Variants in LSAMP observed in about 807,000 individuals in gnomAD.
LSAMP encodes the protein limbic system-associated membrane protein.
In LSAMP, 7 loss-of-function variants were observed where a neutral mutation model predicts 38.6. The ratio of observed to expected loss-of-function variants is 0.18; its 90% CI spans 0.10 to 0.34. The LOEUF (loss-of-function observed/expected upper bound fraction) is 0.34, where lower values mean the gene tolerates loss of function less well. LSAMP is among the 10% of genes least tolerant of loss of function. The probability of loss-of-function intolerance (pLI) is 1.00; values close to 1 mark genes in which losing one functional copy is unlikely to be tolerated. For synonymous variants in LSAMP, 154 were observed against 166.8 expected (o/e 0.92, Z 0.59); for missense variants, 313 against 420.0 (o/e 0.75, Z 2.23).
At chr3:116,150,555 A>G (rs1036066637) in intron 1 of LSAMP, among the ~76,000 whole-genome samples, 2 of 152,044 alleles carry the variant, frequency 1.3e-5, no homozygotes, top group South Asian at 2.1e-4. Flanking sequence ...TCTATTATCA[A>G]TAATAAAAGG....
chr3:116,358,618 A>T (rs571364998), intron 1 of LSAMP, among the ~76,000 whole-genome samples: 1 of 152,164 alleles, frequency 6.6e-6, no homozygotes, highest in African/African-American at 2.4e-5. Flanking sequence ...AATAAAATCC[A>T]CCGATCGAAA....
At chr3:115,905,344 C>T (rs1395462867) in intron 3 of LSAMP, among the ~76,000 whole-genome samples, 1 of 151,962 alleles carries the variant, frequency 6.6e-6, no homozygotes, top group Admixed American at 6.6e-5. Flanking sequence ...ATATGAGATA[C>T]CGATGATATT....
rs546133967 is a variant in LSAMP, at chr3:116,113,680, C to T, written c.156-27124G>A. Among the ~76,000 whole-genome samples, 367 of 152,034 alleles carry T rather than the reference C, an allele frequency of 2.4e-3. 4 individuals are homozygous for T. Among genetic ancestry groups the T allele is most frequent in the African/African-American group, 8.5e-3 (351 of 41,478 alleles). ...GGCCTTGTGATCCGCCCGCCTCGGC[C>T]TCCCAAAGTGCTGGGATTACAGGCG... On this transcript the variant is annotated intron_variant, in intron 1 of 6. Coordinates refer to ENST00000490035, the MANE Select transcript of LSAMP (RefSeq NM_002338.5).
intron 1 of LSAMP, among the ~76,000 whole-genome samples, chr3:116,393,913 C>T (rs1459350467): frequency 3.9e-5 from 6 of 152,104 alleles, no homozygotes; most frequent in Non-Finnish European, 7.4e-5. Context: ...TTGCATGGAA[C>T]GACAAGGAAG....
chr3:115,810,221 ATCTC>A lies in LSAMP; in HGVS notation c.*92_*95del, dbSNP rs528530751. 2,122 of 633,906 alleles carry A rather than the reference ATCTC, an allele frequency of 3.3e-3. No individual in the cohort carries two copies. The highest frequency in any genetic ancestry group is 6.1e-3 in the South Asian group (264 of 43,126). 39.3% of individuals were successfully genotyped at this position (633,906 alleles called of 1,614,324 possible). The stretch of plus-strand genomic sequence containing the variant: ...AGTTGTGAAATAAACGGTCTCCCCC[ATCTC>A]TCTCTCTCTCTCTCTCTCTGTCTCT... On this transcript the variant is annotated 3_prime_UTR_variant, in exon 7 of 7. Coordinates refer to ENST00000490035, the MANE Select transcript of LSAMP (RefSeq NM_002338.5).
At chr3:116,334,081 G>C (rs1213606720) in intron 1 of LSAMP, among the ~76,000 whole-genome samples, 2 of 151,690 alleles carry the variant, frequency 1.3e-5, no homozygotes, top group Non-Finnish European at 2.9e-5. Context: ...TGATTCTACA[G>C]AAATAAAAAA....
intron 3 of LSAMP, among the ~76,000 whole-genome samples, chr3:115,881,507 A>G (rs1936322227): frequency 6.6e-6 from 1 of 152,122 alleles, no homozygotes; most frequent in South Asian, 2.1e-4. Context: ...CATCTCATCC[A>G]TACAGTTGCT....
At chr3:116,004,243 G>C (rs1272994104) in intron 3 of LSAMP, among the ~76,000 whole-genome samples, 1 of 152,006 alleles carries the variant, frequency 6.6e-6, no homozygotes, top group Admixed American at 6.6e-5. Flanking sequence ...GAAAACTCAT[G>C]GTCCCTGTGC....
rs144603366 is a variant in LSAMP at position 116,090,077 on chromosome 3, G to A, written c.156-3521C>T. Among the ~76,000 whole-genome samples the A allele has an allele frequency of 1.3e-4, 19 of 151,548 alleles. No homozygotes were observed. In the East Asian group the frequency reaches 3.3e-3, roughly 26 times the overall value. ...GAAAAAAAATGGTAGGACCAGGCAC[G>A]GTGGCGCATGCCTGTAATCCCAGCT... On this transcript the variant is annotated intron_variant, in intron 1 of 6. Coordinates refer to ENST00000490035, the MANE Select transcript of LSAMP (RefSeq NM_002338.5).
intron 3 of LSAMP, among the ~76,000 whole-genome samples, chr3:115,956,875 C>A (rs1406824704): frequency 1.3e-5 from 2 of 152,046 alleles, no homozygotes; most frequent in Admixed American, 6.5e-5. Flanking sequence ...TCTCTTCAGC[C>A]CTAATCTCCC....
At chr3:116,197,163 A>ACACACACACACACACACACACACACTCT (rs1268040540) in intron 1 of LSAMP, among the ~76,000 whole-genome samples, 3 of 139,084 alleles carry the variant, frequency 2.2e-5, no homozygotes, top group African/African-American at 7.8e-5. Context: ...ACACACACAC[A>ACACACACACACACACACACACACACTCT]CTCTCTCTCT....
rs375269666 is a variant in LSAMP, at chr3:116,213,633, T to C, written c.156-127077A>G. Among the ~76,000 whole-genome samples, 4 of 152,248 alleles carry C rather than the reference T, an allele frequency of 2.6e-5. 1 individual carries two copies. Among genetic ancestry groups the C allele is most frequent in the African/African-American group, 7.2e-5 (3 of 41,548 alleles). ...AGCCAACATGTGGAAACAAACTAAA[T>C]AGACAACATGTGGAAACAAACTAAA... On this transcript the variant is annotated intron_variant, in intron 1 of 6. Coordinates refer to ENST00000490035, the MANE Select transcript of LSAMP (RefSeq NM_002338.5).
At chr3:116,359,851 G>A (rs566825920) in intron 1 of LSAMP, among the ~76,000 whole-genome samples, 119 of 152,252 alleles carry the variant, frequency 7.8e-4, no homozygotes, top group African/African-American at 2.3e-3. Flanking sequence ...AGACTAAAAT[G>A]TGAAACTCAA....
At chr3:116,176,836 A>G (rs1231234954) in intron 1 of LSAMP, among the ~76,000 whole-genome samples, 1 of 152,204 alleles carries the variant, frequency 6.6e-6, no homozygotes, top group East Asian at 1.9e-4. Context: ...TGGCATGAGC[A>G]TTAAATAAAA....
intron 2 of LSAMP, among the ~76,000 whole-genome samples, chr3:116,056,590 ACT>A (rs1385968239): frequency 6.6e-6 from 1 of 152,092 alleles, no homozygotes; most frequent in Non-Finnish European, 1.5e-5. Context: ...GTTCTAATTA[ACT>A]CTCTGAGCAT....
chr3:116,114,225 TAATG>T (rs1414336157), intron 1 of LSAMP, among the ~76,000 whole-genome samples: 2 of 152,188 alleles, frequency 1.3e-5, no homozygotes, highest in African/African-American at 4.8e-5. Context: ...TATTCTTCAC[TAATG>T]AATATCCTTA....
chr3:116,093,205 G>A (rs1708160627), intron 1 of LSAMP, among the ~76,000 whole-genome samples: 1 of 152,146 alleles, frequency 6.6e-6, no homozygotes, highest in Non-Finnish European at 1.5e-5. Flanking sequence ...GACAATATCT[G>A]GAGACATTTT....
chr3:116,366,172 C>A (rs1190750077), intron 1 of LSAMP, among the ~76,000 whole-genome samples: 1 of 151,202 alleles, frequency 6.6e-6, no homozygotes, highest in African/African-American at 2.4e-5. Context: ...AACAAACTTA[C>A]AAGAAAAAAA....
intron 2 of LSAMP, among the ~76,000 whole-genome samples, chr3:116,072,080 A>G (rs1707620581): frequency 1.4e-5 from 2 of 143,794 alleles, no homozygotes; most frequent in African/African-American, 5.2e-5. Flanking sequence ...GGTTCATGCC[A>G]TTCTCCTTCC....
Sources: allele counts gnomAD v4.1 joint callset (sites outside exome capture counted in the v4.1 genomes callset), GRCh38; gene constraint gnomAD v4.1.1; transcripts MANE v1.5; gene names NCBI Gene and HGNC (gene_info 2026-07-23, HGNC 2026-07-21).